The following METTL8 variants were observed in gnomAD, a reference collection of about 807,000 sequenced individuals.
METTL8 encodes methyltransferase 8, tRNA N3-cytidine.
In METTL8, 32 loss-of-function variants were observed where a neutral mutation model predicts 48.7. That is an observed-to-expected ratio of 0.66 (90% CI 0.50 to 0.88). The LOEUF is 0.88. Ranked by LOEUF, METTL8 falls within the 40% of genes least tolerant of loss-of-function variation. The pLI is 0.00. For synonymous variants in METTL8, 136 were observed against 157.1 expected (o/e 0.87, Z 1.01); for missense variants, 464 against 474.4 (o/e 0.98, Z 0.20).
chr2:171,409,613 G>A (rs1041053030), intron 1 of METTL8, among the ~76,000 whole-genome samples: 5 of 152,050 alleles, frequency 3.3e-5, no homozygotes, highest in African/African-American at 9.7e-5. Flanking sequence ...AAGTAGACAC[G>A]GCATAGATGG....
At chr2:171,429,053 A>T (rs1238398519) in intron 1 of METTL8, among the ~76,000 whole-genome samples, 2 of 152,148 alleles carry the variant, frequency 1.3e-5, no homozygotes, top group Non-Finnish European at 2.9e-5. Flanking sequence ...GGGATTTTGT[A>T]CACATATCTT....
chr2:171,398,089 T>A (rs1689285849), intron 1 of METTL8, among the ~76,000 whole-genome samples: 1 of 152,090 alleles, frequency 6.6e-6, no homozygotes, highest in Non-Finnish European at 1.5e-5. Context: ...TTATGGTGAA[T>A]CCTCAGAAAT....
chr2:171,365,474 G>A (rs1451401440), intron 2 of METTL8, among the ~76,000 whole-genome samples: 4 of 152,132 alleles, frequency 2.6e-5, no homozygotes, highest in South Asian at 2.1e-4. Flanking sequence ...GGTGGAGGCC[G>A]AGAGCTCAGG....
Position 171,324,116 on chromosome 2 carries a change from C to G in METTL8, c.*56G>C, listed in dbSNP as rs943843017. 8.2e-7 allele frequency: 1 copy of G among 1,213,714 alleles called. No homozygotes were observed. The highest frequency in any genetic ancestry group is 2.6e-5 in the East Asian group (1 of 38,766). 75.2% of individuals were successfully genotyped at this position (1,213,714 alleles called of 1,614,324 possible). A position where few individuals can be genotyped will look rare whatever the true frequency, so the allele number is the denominator to read the frequency against. On this transcript the variant is annotated 3_prime_UTR_variant, in exon 10 of 10. Coordinates refer to ENST00000375258, the MANE Select transcript of METTL8 (RefSeq NM_001321154.2). ...TGTCTTTTGAGAAACAATAGACTTACAGTAGTCCTTGAATAGCACAGTCCT... is the reference window on the plus strand; with the variant it reads ...TGTCTTTTGAGAAACAATAGACTTAGAGTAGTCCTTGAATAGCACAGTCCT...
intron 1 of METTL8, among the ~76,000 whole-genome samples, chr2:171,398,921 T>G (rs1689378522): frequency 6.6e-6 from 1 of 152,218 alleles, no homozygotes; most frequent in Non-Finnish European, 1.5e-5. Flanking sequence ...GGATGAAGTA[T>G]GAAGAAGGCA....
At chr2:171,347,957 T>TAGG (rs1019389961) in intron 3 of METTL8, among the ~76,000 whole-genome samples, 5 of 152,040 alleles carry the variant, frequency 3.3e-5, no homozygotes, top group African/African-American at 1.2e-4. Context: ...ATAAGGAGCT[T>TAGG]AGGAGGAGGA....
In METTL8 at chr2:171,356,753, A is replaced by G. The variant is rs146753564; in HGVS notation, c.235+3669T>C. 2.0e-3 allele frequency among the ~76,000 whole-genome samples: 300 copies of G among 152,152 alleles called. 7 individuals are homozygous for G. In the East Asian group the frequency reaches 0.03, roughly 15 times the overall value. ...TAAGATTTCATTCTTTTTTTATGGC[A>G]GAATAATATTCCATTGTGTATATAT... On this transcript the variant is annotated intron_variant, in intron 3 of 9. Transcript: ENST00000375258.
intron 2 of METTL8, among the ~76,000 whole-genome samples, chr2:171,364,196 A>G (rs1685492310): frequency 1.3e-5 from 2 of 152,196 alleles, no homozygotes; most frequent in South Asian, 4.1e-4. Flanking sequence ...ACTAAAACCA[A>G]TTATGTTTGA....
intron 3 of METTL8, among the ~76,000 whole-genome samples, chr2:171,356,999 T>C (rs1039952796): frequency 7.1e-6 from 1 of 140,636 alleles, no homozygotes; most frequent in Non-Finnish European, 1.5e-5. Flanking sequence ...TCACCCAGGC[T>C]GCAGTGCAGT....
At chr2:171,357,004 T>C (rs1161101454) in intron 3 of METTL8, among the ~76,000 whole-genome samples, 2 of 140,798 alleles carry the variant, frequency 1.4e-5, no homozygotes, top group African/African-American at 2.6e-5. Context: ...CAGGCTGCAG[T>C]GCAGTGGTGC....
intron 1 of METTL8, among the ~76,000 whole-genome samples, chr2:171,397,352 T>TAAAAAA (rs71013039): frequency 3.4e-4 from 4 of 11,708 alleles, no homozygotes; most frequent in Non-Finnish European, 4.7e-4. Flanking sequence ...ACCCTGTCTC[T>TAAAAAA]AAAAAAAAAA....
intron 1 of METTL8, among the ~76,000 whole-genome samples, chr2:171,413,661 C>A (rs1690978743): frequency 6.6e-6 from 1 of 152,100 alleles, no homozygotes; most frequent in Non-Finnish European, 1.5e-5. Flanking sequence ...GCCACATAAA[C>A]AAATGTTCTT....
intron 1 of METTL8, among the ~76,000 whole-genome samples, chr2:171,397,254 C>T (rs2105580132): frequency 7.0e-6 from 1 of 143,662 alleles, no homozygotes; most frequent in South Asian, 2.3e-4. Flanking sequence ...TAGTTCACGT[C>T]TGTAATCTCA....
Position 171,321,494 on chromosome 2 carries a change from C to T in METTL8, c.*2678G>A, listed in dbSNP as rs1399508991. 6.6e-6 allele frequency: 1 copy of T among 152,152 alleles called. No individual in the cohort carries two copies. Among genetic ancestry groups the T allele is most frequent in the African/African-American group, 2.4e-5 (1 of 41,430 alleles). The allele number at this position is 152,152 out of a possible 1,614,324, so 9.4% of individuals were successfully genotyped here. A position where few individuals can be genotyped will look rare whatever the true frequency, so the allele number is the denominator to read the frequency against. On this transcript the variant is annotated 3_prime_UTR_variant, in exon 10 of 10. Coordinates refer to ENST00000375258, the MANE Select transcript of METTL8 (RefSeq NM_001321154.2). ...TGGCATCATCAATTAAGCTGCCCTG[C>T]CCCAGCCTGTTAAGAGATGAACCAA...
At chr2:171,424,993 T>C (rs1213574455) in intron 1 of METTL8, among the ~76,000 whole-genome samples, 2 of 152,178 alleles carry the variant, frequency 1.3e-5, no homozygotes, top group East Asian at 1.9e-4. Context: ...GTTACCCTCA[T>C]GCTGTTCTCA....
intron 2 of METTL8, among the ~76,000 whole-genome samples, chr2:171,381,798 T>G (rs112128899): frequency 2.7e-5 from 4 of 150,900 alleles, no homozygotes; most frequent in Admixed American, 6.6e-5. Flanking sequence ...TTTTTTTTTT[T>G]TTGACATGGA....
In METTL8 at chr2:171,404,052, C is replaced by CATATATATATATAT. The variant is rs60563600; in HGVS notation, c.-12-11869_-12-11856dup. Among the ~76,000 whole-genome samples, 15 of 43,970 alleles carry CATATATATATATAT rather than the reference C, an allele frequency of 3.4e-4. 4 individuals are homozygous for CATATATATATATAT. The highest frequency in any genetic ancestry group is 5.6e-4 in the African/African-American group (5 of 8,886). The allele number at this position is 43,970 out of a possible 152,430, so 28.8% of individuals were successfully genotyped here. ...AAACCCTATACATACTATGCTTTCT[C>CATATATATATATAT]ATATATATATATATATATATATATA... On this transcript the variant is annotated intron_variant, in intron 1 of 9. Transcript: ENST00000375258.
chr2:171,368,765 T>C (rs1378661204), intron 2 of METTL8, among the ~76,000 whole-genome samples: 1 of 152,070 alleles, frequency 6.6e-6, no homozygotes, highest in African/African-American at 2.4e-5. Flanking sequence ...AGCCAGGCCC[T>C]GTGGAGCAGT....
In METTL8 at chr2:171,324,268, T is replaced by C; in HGVS notation, c.1128A>G (p.Lys376=). ...RLQVNRKKQV[K]MHRVWIQGKF... is the part of the protein sequence containing the mutation. ...TGCCTTGAATCCACACTCGGTGCAT[T>C]TTCACTTGTTTTTTCCTATTAACTT... The change falls in exon 10 of 10, where the codon AAA becomes AAG. Residue 376 remains lysine, a synonymous_variant. Transcript: ENST00000375258. 1 of 1,551,540 alleles carries C rather than the reference T, an allele frequency of 6.4e-7. No individual in the cohort carries two copies. The highest frequency in any genetic ancestry group is 8.7e-7 in the Non-Finnish European group (1 of 1,146,960).
Sources: allele counts gnomAD v4.1 joint callset (sites outside exome capture counted in the v4.1 genomes callset), GRCh38; gene constraint gnomAD v4.1.1; transcripts MANE v1.5; gene names NCBI Gene and HGNC (gene_info 2026-07-23, HGNC 2026-07-21).